The following PGD variants were observed in gnomAD, a reference collection of about 807,000 sequenced individuals.
The protein encoded by PGD is 6-phosphogluconate dehydrogenase, decarboxylating.
Under a neutral mutation model 60.4 loss-of-function variants are expected in PGD, and 21 were observed. The observed-to-expected ratio is 0.35, with a 90% CI of 0.25 to 0.50. The LOEUF (loss-of-function observed/expected upper bound fraction) is 0.50, where lower values mean the gene tolerates loss of function less well. Among genes scored for constraint, PGD ranks in the 20% least tolerant of loss-of-function variants. The pLI is 0.98. For missense variants in PGD, 477 were observed against 613.1 expected (o/e 0.78, Z 2.34); for synonymous variants, 230 against 235.9 (o/e 0.97, Z 0.23).
At position 10,417,922 on chromosome 1, in the gene PGD, G is replaced by T. The variant is rs111952961; in HGVS notation, c.1109+413G>T. On this transcript the variant is annotated intron_variant, in intron 10 of 12. Coordinates refer to ENST00000270776, the MANE Select transcript of PGD (RefSeq NM_002631.4). ...AAACAGGGTTTCACCATGTTAGCCAGGCTGGTCTCGAACTCCTTGCCTTGG... is the reference window on the plus strand; with the variant it reads ...AAACAGGGTTTCACCATGTTAGCCATGCTGGTCTCGAACTCCTTGCCTTGG... Among the ~76,000 whole-genome samples, 492 of 152,324 alleles carry T rather than the reference G, an allele frequency of 3.2e-3. 4 individuals are homozygous for T. Among genetic ancestry groups the T allele is most frequent in the African/African-American group, 0.011 (477 of 41,588 alleles).
rs1337547070 is a variant in PGD, at chr1:10,419,452, G to A, written c.1245G>A (p.Gln415=). 5 of 1,613,974 alleles carry A rather than the reference G, an allele frequency of 3.1e-6. No homozygotes were observed. The highest frequency in any genetic ancestry group is 3.4e-6 in the Non-Finnish European group (4 of 1,180,020). The part of the protein sequence containing the change: ...SWRRAVSTGV[Q]AGIPMPCFTT... Reference sequence around the variant, plus strand: ...GGCGGGCAGTCAGCACTGGGGTCCAGGCTGGCATTCCCATGCCCTGTTTTA... The same window carrying A: ...GGCGGGCAGTCAGCACTGGGGTCCAAGCTGGCATTCCCATGCCCTGTTTTA... The change falls in exon 12 of 13, where the codon CAG becomes CAA. Residue 415 remains glutamine (Q), a synonymous_variant. Coordinates refer to ENST00000270776, the MANE Select transcript of PGD (RefSeq NM_002631.4).
In PGD at chr1:10,399,659, C is replaced by T. The variant is rs1639279551; in HGVS notation, c.39C>T (p.Val13=). Residue 13 remains valine (V), a synonymous_variant, in exon 2 of 13, where the codon GTC becomes GTT. Coordinates refer to ENST00000270776, the MANE Select transcript of PGD (RefSeq NM_002631.4). ...QADIALIGLA[V]MGQNLILNMN... The stretch of plus-strand genomic sequence containing the variant: ...ACATCGCGCTGATCGGATTGGCCGT[C>T]ATGGGCCAGAACTTAATTCTGAACA... The T allele has an allele frequency of 5.6e-6, 9 of 1,614,002 alleles. No homozygotes were observed. The highest frequency in any genetic ancestry group is 7.6e-6 in the Non-Finnish European group (9 of 1,180,020).
At chr1:10,402,085 G>A (rs1639325984) in intron 3 of PGD, among the ~76,000 whole-genome samples, 1 of 152,120 alleles carries the variant, frequency 6.6e-6, no homozygotes, top group African/African-American at 2.4e-5. Context: ...TGGTTGGTGT[G>A]CTGTAGGTAG....
chr1:10,419,056 T>C (rs1174727193), intron 11 of PGD, 131 bp downstream of exon 11: 5 of 616,990 alleles, frequency 8.1e-6, no homozygotes, highest in Middle Eastern at 3.5e-4. Flanking sequence ...TCACCCAGGC[T>C]GGAGTACAGT....
intron 4 of PGD, 143 bp downstream of exon 4, chr1:10,403,279 T>A: frequency 1.6e-6 from 1 of 609,812 alleles, no homozygotes. Context: ...GTTCTCAGCC[T>A]TTTTTTCTGT....
intron 8 of PGD, 97 bp from the exon 9 acceptor site, chr1:10,416,890 T>C: frequency 8.6e-7 from 1 of 1,159,838 alleles, no homozygotes; most frequent in Non-Finnish European, 1.2e-6. Context: ...TCAGGCCATC[T>C]GGATGTATAC....
At chr1:10,418,231 A>G (rs1270597801) in intron 10 of PGD, among the ~76,000 whole-genome samples, 1 of 152,252 alleles carries the variant, frequency 6.6e-6, no homozygotes, top group African/African-American at 2.4e-5. Flanking sequence ...GGTGATTCAG[A>G]TGATTCTAAT....
chr1:10,404,852 A>G (rs964155115), intron 5 of PGD, among the ~76,000 whole-genome samples: 2 of 152,174 alleles, frequency 1.3e-5, no homozygotes, highest in African/African-American at 2.4e-5. Context: ...CAATGTCTGG[A>G]TGTAGGAATA....
chr1:10,403,860 G>A (rs1293147732), intron 4 of PGD, among the ~76,000 whole-genome samples: 1 of 152,142 alleles, frequency 6.6e-6, no homozygotes, highest in Non-Finnish European at 1.5e-5. Context: ...CTTATTCAAG[G>A]TCTTTTCCAG....
chr1:10,403,419 G>A (rs1171525717), intron 4 of PGD, among the ~76,000 whole-genome samples: 6 of 151,750 alleles, frequency 4.0e-5, no homozygotes, highest in Non-Finnish European at 7.4e-5. Flanking sequence ...GCGAAAACCC[G>A]TCTCTACTAA....
Position 10,412,183 on chromosome 1 carries a change from T to C in PGD, c.654+631T>C, listed in dbSNP as rs75491593. Among the ~76,000 whole-genome samples the C allele has an allele frequency of 9.1e-4, 138 of 152,376 alleles. 1 individual carries two copies. The East Asian group carries it at 0.025, about 27-fold the overall frequency. On this transcript the variant is annotated intron_variant, in intron 7 of 12. Coordinates refer to ENST00000270776, the MANE Select transcript of PGD (RefSeq NM_002631.4). ...TAAATACTTTAGATGAATGTATCTT[T>C]ATCATGAGGTAAACATAGATTTTAA... is the stretch of plus-strand genomic sequence containing the variant.
chr1:10,420,389 C>CTTTTTTT lies in PGD; in HGVS notation c.*658_*664dup, dbSNP rs70997229. The stretch of plus-strand genomic sequence containing the variant: ...CACTGTAACGTGCTTTTTCTTTCGT[C>CTTTTTTT]TTTTTTTTTTTTTTTTTTTTTTTTG... On this transcript the variant is annotated 3_prime_UTR_variant, in exon 13 of 13. Transcript: ENST00000270776. Among the ~76,000 whole-genome samples, 11 of 75,052 alleles carry CTTTTTTT rather than the reference C, an allele frequency of 1.5e-4. No individual in the cohort carries two copies. Among genetic ancestry groups the CTTTTTTT allele is most frequent in the Non-Finnish European group, 1.7e-4 (7 of 40,844 alleles). 49.2% of individuals were successfully genotyped at this position (75,052 alleles called of 152,430 possible).
At chr1:10,411,978 A>G (rs1392584117) in intron 7 of PGD, among the ~76,000 whole-genome samples, 1 of 152,208 alleles carries the variant, frequency 6.6e-6, no homozygotes, top group Admixed American at 6.5e-5. Context: ...ACAATATTCA[A>G]CCATGCAGCA....
chr1:10,399,718 G>A lies in PGD; in HGVS notation c.84+14G>A, dbSNP rs746039901. Reference sequence around the variant, plus strand: ...CACGGCTTTGTGGTAAGCGGCGTGGGCGCGTTGTCTTCTCTCTGGTTCCCG... The same window carrying A: ...CACGGCTTTGTGGTAAGCGGCGTGGACGCGTTGTCTTCTCTCTGGTTCCCG... On this transcript the variant is annotated intron_variant, in intron 2 of 12. Coordinates refer to ENST00000270776, the MANE Select transcript of PGD (RefSeq NM_002631.4). 1.2e-6 allele frequency: 2 copies of A among 1,613,046 alleles called. No individual in the cohort carries two copies. Among genetic ancestry groups the A allele is most frequent in the Non-Finnish European group, 1.7e-6 (2 of 1,179,088 alleles).
At position 10,420,061 on chromosome 1, in the gene PGD, T is replaced by A. The variant is rs1300892186; in HGVS notation, c.*312T>A. 5 of 332,454 alleles carry A rather than the reference T, an allele frequency of 1.5e-5. No individual in the cohort carries two copies. Among genetic ancestry groups the A allele is most frequent in the African/African-American group, 8.5e-5 (4 of 47,256 alleles). The allele number at this position is 332,454 out of a possible 1,614,324, so 20.6% of individuals were successfully genotyped here. A position where few individuals can be genotyped will look rare whatever the true frequency, so the allele number is the denominator to read the frequency against. ...CCATCACGCAGACAGGAAGGGTGTT[T>A]GCGCACTCTGATCAACTGGAACCTC... On this transcript the variant is annotated 3_prime_UTR_variant, in exon 13 of 13. Transcript: ENST00000270776.
At chr1:10,409,530 C>T (rs1325519594) in intron 6 of PGD, among the ~76,000 whole-genome samples, 1 of 151,706 alleles carries the variant, frequency 6.6e-6, no homozygotes, top group Non-Finnish European at 1.5e-5. Flanking sequence ...CCCACGAGTT[C>T]AAGGCTGCAG....
chr1:10,399,838 G>A (rs1233830010), intron 2 of PGD, 134 bp downstream of exon 2: 2 of 774,814 alleles, frequency 2.6e-6, no homozygotes. Flanking sequence ...TGGCATTTTT[G>A]TATGGAAAGG....
rs57033638 is a variant in PGD, at chr1:10,405,401, TACACACACAC to T, written c.449+1138_449+1147del. On this transcript the variant is annotated intron_variant, in intron 5 of 12. Transcript: ENST00000270776. ...AAAACAAAACAAAACAAACAAAAAATACACACACACACACACACACACACATATATATAAA... is the reference window on the plus strand; with the variant it reads ...AAAACAAAACAAAACAAACAAAAAATACACACACACACACATATATATAAA... Among the ~76,000 whole-genome samples the T allele has an allele frequency of 2.8e-5, 3 of 108,450 alleles. No individual in the cohort carries two copies. In the South Asian group the frequency reaches 9.3e-4, roughly 34 times the overall value. 71.1% of individuals were successfully genotyped at this position (108,450 alleles called of 152,430 possible).
In PGD at chr1:10,413,169, C is replaced by T; in HGVS notation, c.762C>T (p.Ile254=). 6.2e-7 allele frequency: 1 copy of T among 1,614,190 alleles called. No homozygotes were observed. The highest frequency in any genetic ancestry group is 8.5e-7 in the Non-Finnish European group (1 of 1,180,016). The change falls in exon 8 of 13, where the codon ATC becomes ATT. Residue 254 remains isoleucine, a synonymous_variant. Transcript: ENST00000270776. ...DTDGKHLLPK[I]RDSAGQKGTG... is the part of the protein sequence containing the mutation. Reference sequence around the variant, plus strand: ...ATGGCAAACACCTGCTGCCAAAGATCAGGGACAGCGCGGGGCAGAAGGGCA... The same window carrying T: ...ATGGCAAACACCTGCTGCCAAAGATTAGGGACAGCGCGGGGCAGAAGGGCA...
Sources: gnomAD v4.1 joint callset for allele counts (sites outside exome capture counted in the v4.1 genomes callset) on GRCh38, gnomAD v4.1.1 for gene constraint, MANE v1.5 for transcripts, NCBI Gene and HGNC (gene_info 2026-07-23, HGNC 2026-07-21) for gene names.